CCNG1: variants seen among roughly 807,000 people sequenced by gnomAD.
CCNG1 encodes the protein cyclin-G1.
CCNG1 carries 13 observed loss-of-function variants against 30.0 expected under a neutral mutation model. The observed-to-expected ratio is 0.43, with a 90% CI of 0.28 to 0.69. CCNG1 has a LOEUF of 0.69. Ranked by LOEUF, CCNG1 falls within the 30% of genes least tolerant of loss-of-function variation. CCNG1 has a pLI of 0.16. For missense variants in CCNG1, 285 were observed against 331.4 expected, an observed-to-expected ratio of 0.86 and a Z score of 1.09; for synonymous variants, 110 against 121.5, an observed-to-expected ratio of 0.91 and a Z score of 0.62.
intron 2 of CCNG1, 39 bp downstream of exon 2, chr5:163,439,559 T>C: frequency 6.4e-7 from 1 of 1,566,258 alleles, no homozygotes; most frequent in Non-Finnish European, 8.7e-7. Context: ...TTGCTCAGTG[T>C]GTTTTGGAGA....
rs1354788431 is a variant in CCNG1, at chr5:163,444,314, T to A, written c.*644T>A. ...ATAAAGTTTGGCATATTCATTAAGT[T>A]ATCTTTTAATATTTTTTTCTAGAAA... On this transcript the variant is annotated 3_prime_UTR_variant, in exon 7 of 7. Coordinates refer to ENST00000340828, the MANE Select transcript of CCNG1 (RefSeq NM_004060.4). The A allele has an allele frequency of 6.6e-6, 1 of 152,638 alleles. No homozygotes were observed. The allele number at this position is 152,638 out of a possible 1,614,324, so 9.5% of individuals were successfully genotyped here.
At chr5:163,445,535 C>A (rs1758019607), downstream of CCNG1, among the ~76,000 whole-genome samples, 1 of 152,004 alleles carries the variant, frequency 6.6e-6, no homozygotes, top group African/African-American at 2.4e-5. Flanking sequence ...CTCATTGCAG[C>A]CTTGGCAGCC....
rs1292335311 is a variant in CCNG1, at chr5:163,441,298, A to T, written c.485A>T (p.Tyr162Phe). The stretch of plus-strand genomic sequence containing the variant: ...GCCTTTCAATTTCTGCAACTGTATT[A>T]TTCACTCCTTCAAGAGAACTTGCCA... ...TTAFQFLQLY[Y>F]SLLQENLPLE... The change falls in exon 3 of 7, where the codon TAT becomes TTT. Residue 162 changes from tyrosine (Y) to phenylalanine (F), a missense_variant. By Grantham distance (22) the Tyr-to-Phe change is conservative. Transcript: ENST00000340828. The T allele has an allele frequency of 1.9e-6, 3 of 1,613,964 alleles. No individual in the cohort carries two copies. In the Admixed American group the frequency reaches 5.0e-5, roughly 27 times the overall value.
At chr5:163,447,661 C>T (rs1390373364), downstream of CCNG1, 1 of 152,106 alleles carries the variant, frequency 6.6e-6, no homozygotes, top group Non-Finnish European at 1.5e-5. Flanking sequence ...AATAAGCATT[C>T]TTTTCAAGTA....
In CCNG1 at chr5:163,441,331, G is replaced by A. The variant is rs774050514; in HGVS notation, c.518G>A (p.Arg173Lys). 1.9e-6 allele frequency: 3 copies of A among 1,612,924 alleles called. No individual in the cohort carries two copies. The Admixed American group carries it at 5.0e-5, about 27-fold the overall frequency. Residue 173 changes from arginine (R) to lysine (K), a missense_variant and splice_region_variant, in exon 3 of 7, where the codon AGG becomes AAG. Transcript: ENST00000340828. ...SLLQENLPLE[R>K]RNSINFERLE... ...CTTCAAGAGAACTTGCCACTTGAAA[G>A]GTAAGTGACCTTTGTTTTGAACAAG...
chr5:163,457,073 T>C, the CCNG1 span: 1 of 1,598,638 alleles, frequency 6.3e-7, no homozygotes, highest in Non-Finnish European at 8.5e-7. Flanking sequence ...GAACCATTTT[T>C]CTGTCCTCTA....
At chr5:163,455,458 G>T in the CCNG1 span, among the ~76,000 whole-genome samples, 1 of 152,154 alleles carries the variant, frequency 6.6e-6, no homozygotes, top group East Asian at 1.9e-4. Context: ...ATGTGACTTG[G>T]ATTTTAAAAG....
Position 163,441,887 on chromosome 5 carries a change from A to T in CCNG1, c.520A>T (p.Arg174Ter). ...LLQENLPLER[R>*]NSINFERLEA... The stretch of plus-strand genomic sequence containing the variant: ...AGTAATACCATTTTCTTTTTAAAGG[A>T]GAAATAGCATTAATTTTGAAAGACT... Residue 174 changes from arginine to a stop codon, truncating the protein, a stop_gained and splice_region_variant, in exon 4 of 7, where the codon AGA becomes TGA. Coordinates refer to ENST00000340828, the MANE Select transcript of CCNG1 (RefSeq NM_004060.4). LOFTEE classifies it high-confidence loss of function. The T allele has an allele frequency of 6.3e-7, 1 of 1,577,514 alleles. No individual in the cohort carries two copies. Among genetic ancestry groups the T allele is most frequent in the African/African-American group, 1.3e-5 (1 of 74,274 alleles).
chr5:163,454,405 G>A, the CCNG1 span, among the ~76,000 whole-genome samples: 3 of 152,004 alleles, frequency 2.0e-5, no homozygotes, highest in Non-Finnish European at 4.4e-5. Context: ...GCAATGGTGC[G>A]ACCTCAGCTC....
Position 163,439,173 on chromosome 5 carries a change from T to C in CCNG1, c.1-84T>C, listed in dbSNP as rs17880484. The C allele has an allele frequency of 9.7e-4, 1,183 of 1,218,656 alleles. 13 individuals carry two copies. The African/African-American group carries it at 0.013, about 14-fold the overall frequency. 75.5% of individuals were successfully genotyped at this position (1,218,656 alleles called of 1,614,324 possible). A position where few individuals can be genotyped will look rare whatever the true frequency, so the allele number is the denominator to read the frequency against. On this transcript the variant is annotated intron_variant, in intron 1 of 6. Transcript: ENST00000340828. ...TGGGGGATGGGAGGCTTATAAATCATTTCTTGGCCCAGTGCAAAGATGGCC... is the reference window on the plus strand; with the variant it reads ...TGGGGGATGGGAGGCTTATAAATCACTTCTTGGCCCAGTGCAAAGATGGCC...
downstream of CCNG1, chr5:163,450,705 C>T (rs1395014306): frequency 1.3e-5 from 2 of 152,200 alleles, no homozygotes; most frequent in Non-Finnish European, 2.9e-5. Flanking sequence ...AACCTGCATA[C>T]ACTGCTGGTG....
At position 163,441,303 on chromosome 5, in the gene CCNG1, C is replaced by T. The variant is rs927952183; in HGVS notation, c.490C>T (p.Leu164Phe). Reference protein sequence around the residue: ...AFQFLQLYYSLLQENLPLERR... With the variant: ...AFQFLQLYYSFLQENLPLERR... ...TCAATTTCTGCAACTGTATTATTCA[C>T]TCCTTCAAGAGAACTTGCCACTTGA... Residue 164 changes from leucine to phenylalanine, a missense_variant, in exon 3 of 7, where the codon CTC (leucine) becomes TTC (phenylalanine). Leu to Phe is a conservative substitution (Grantham distance 22). Transcript: ENST00000340828. 2.5e-6 allele frequency: 4 copies of T among 1,613,572 alleles called. No homozygotes were observed. The African/African-American group carries it at 5.3e-5, about 22-fold the overall frequency.
At position 163,443,843 on chromosome 5, in the gene CCNG1, T is replaced by C; in HGVS notation, c.*173T>C. ...CTAATATTATGCTGTAGTGGAATTA[T>C]GTTTAGATTTGAATTCATCTGTGAA... On this transcript the variant is annotated 3_prime_UTR_variant, in exon 7 of 7. Coordinates refer to ENST00000340828, the MANE Select transcript of CCNG1 (RefSeq NM_004060.4). The C allele has an allele frequency of 1.6e-6, 1 of 631,466 alleles. No homozygotes were observed. Among genetic ancestry groups the C allele is most frequent in the Non-Finnish European group, 2.6e-6 (1 of 378,378 alleles). The allele number at this position is 631,466 out of a possible 1,614,324, so 39.1% of individuals were successfully genotyped here.
intron 1 of CCNG1, 76 bp from the exon 2 acceptor site, chr5:163,439,181 C>A: frequency 1.5e-6 from 2 of 1,297,096 alleles, no homozygotes; most frequent in Non-Finnish European, 2.2e-6. Context: ...CATTTCTTGG[C>A]CCAGTGCAAA....
Position 163,444,695 on chromosome 5 carries a change from G to A in CCNG1, c.*1025G>A, listed in dbSNP as rs1298109171. The A allele has an allele frequency of 6.6e-6, 1 of 152,648 alleles. No individual in the cohort carries two copies. Among genetic ancestry groups the A allele is most frequent in the African/African-American group, 2.4e-5 (1 of 41,460 alleles). The allele number at this position is 152,648 out of a possible 1,614,324, so 9.5% of individuals were successfully genotyped here. A position where few individuals can be genotyped will look rare whatever the true frequency, so the allele number is the denominator to read the frequency against. ...GGATCCTCCATGGCAGTTAGTGAAT[G>A]TAAGAAGTACAGTGTTAAAGTGTTG... On this transcript the variant is annotated 3_prime_UTR_variant, in exon 7 of 7. Transcript: ENST00000340828.
At chr5:163,438,821 A>G (rs1757634707) in intron 1 of CCNG1, among the ~76,000 whole-genome samples, 2 of 152,206 alleles carry the variant, frequency 1.3e-5, no homozygotes, top group South Asian at 4.1e-4. Flanking sequence ...AGGCCAGGAG[A>G]CCGAGACCAT....
intron 1 of CCNG1, 99 bp from the exon 2 acceptor site, chr5:163,439,158 G>T: frequency 9.8e-7 from 1 of 1,018,672 alleles, no homozygotes. Context: ...TGGGGGATGG[G>T]AGGCTTATAA....
chr5:163,454,523 T>C, the CCNG1 span, among the ~76,000 whole-genome samples: 1 of 152,130 alleles, frequency 6.6e-6, no homozygotes, highest in Non-Finnish European at 1.5e-5. Context: ...GTATTTTTAG[T>C]AGACACGGGG....
At position 163,439,301 on chromosome 5, in the gene CCNG1, C is replaced by T; in HGVS notation, c.45C>T (p.His15=). ...LTTTDSQKLL[H]QLNALLEQES... is the part of the protein sequence containing the mutation. ...CAACTGACTCTCAGAAACTGCTACA[C>T]CAGCTGAATGCCCTGTTGGAACAGG... The change falls in exon 2 of 7, where the codon CAC becomes CAT. Residue 15 remains histidine (H), a synonymous_variant. Transcript: ENST00000340828. The T allele has an allele frequency of 4.3e-6, 7 of 1,613,852 alleles. No homozygotes were observed. The highest frequency in any genetic ancestry group is 1.1e-5 in the South Asian group (1 of 91,072).
Sources: allele counts gnomAD v4.1 joint callset (sites outside exome capture counted in the v4.1 genomes callset), GRCh38; gene constraint gnomAD v4.1.1; transcripts MANE v1.5; gene names NCBI Gene and HGNC (gene_info 2026-07-23, HGNC 2026-07-21).